Variants in ST18 observed in about 807,000 individuals in gnomAD.
The protein encoded by ST18 is suppression of tumorigenicity 18 protein.
ST18 carries 50 observed loss-of-function variants against 110.0 expected under a neutral mutation model. The observed-to-expected ratio is 0.45, with a 90% CI of 0.36 to 0.58. The LOEUF (loss-of-function observed/expected upper bound fraction) is 0.58. Among genes scored for constraint, ST18 ranks in the 20% least tolerant of loss-of-function variants. The pLI, the probability that ST18 is intolerant of heterozygous loss-of-function variation, is 0.00. For synonymous variants in ST18, 461 were observed against 452.4 expected, an observed-to-expected ratio of 1.02 and a Z score of -0.24; for missense variants, 1,306 against 1,280.1, an observed-to-expected ratio of 1.02 and a Z score of -0.31.
chr8:52,288,704 A>AAAT (rs2095507829), intron 2 of ST18, among the ~76,000 whole-genome samples: 1 of 152,050 alleles, frequency 6.6e-6, no homozygotes, highest in African/African-American at 2.4e-5. Context: ...AAAAAATAAA[A>AAAT]AAAAAAAAAT....
At chr8:52,235,553 A>G (rs925855797) in intron 2 of ST18, among the ~76,000 whole-genome samples, 2 of 152,240 alleles carry the variant, frequency 1.3e-5, no homozygotes, top group African/African-American at 2.4e-5. Context: ...TTTTAGGAGA[A>G]CAATGGACCA....
At chr8:52,357,055 C>T (rs1823065210) in intron 2 of ST18, among the ~76,000 whole-genome samples, 1 of 151,952 alleles carries the variant, frequency 6.6e-6, no homozygotes, top group African/African-American at 2.4e-5. Context: ...CACATGTACC[C>T]CTGAATTTAA....
At chr8:52,130,155 G>GAAAT (rs1208052941) in intron 22 of ST18, among the ~76,000 whole-genome samples, 1 of 149,414 alleles carries the variant, frequency 6.7e-6, no homozygotes, top group African/African-American at 2.5e-5. Flanking sequence ...AAGAAAGAAA[G>GAAAT]AAAGAAAGAA....
chr8:52,323,278 A>G (rs963655871), intron 2 of ST18, among the ~76,000 whole-genome samples: 7 of 152,194 alleles, frequency 4.6e-5, no homozygotes, highest in Non-Finnish European at 1.0e-4. Flanking sequence ...ATCTGTTTTT[A>G]TTTGAGGTTC....
chr8:52,178,614 C>CAAAAAAAAAAA (rs869184166), intron 9 of ST18, among the ~76,000 whole-genome samples: 4 of 2,386 alleles, frequency 1.7e-3, no homozygotes, highest in African/African-American at 4.9e-3. Context: ...GAGACTCCAT[C>CAAAAAAAAAAA]AAAAAAAAAA....
At chr8:52,231,201 C>T (rs991584566) in intron 2 of ST18, among the ~76,000 whole-genome samples, 1 of 152,144 alleles carries the variant, frequency 6.6e-6, no homozygotes, top group Non-Finnish European at 1.5e-5. Flanking sequence ...GCTCTTTTAT[C>T]TATATAATGG....
chr8:52,317,567 T>C (rs1456592111), intron 2 of ST18, among the ~76,000 whole-genome samples: 1 of 152,220 alleles, frequency 6.6e-6, no homozygotes, highest in East Asian at 1.9e-4. Context: ...GAAATTATTA[T>C]ATTGCTGGAC....
At chr8:52,210,664 T>C (rs952811275) in intron 8 of ST18, among the ~76,000 whole-genome samples, 4 of 151,602 alleles carry the variant, frequency 2.6e-5, no homozygotes, top group African/African-American at 9.7e-5. Flanking sequence ...TTTGAGACCA[T>C]GTCTCAAAAA....
At chr8:52,250,023 ATGCCCTCTTT>A (rs2094164881) in intron 2 of ST18, among the ~76,000 whole-genome samples, 1 of 151,760 alleles carries the variant, frequency 6.6e-6, no homozygotes, top group Non-Finnish European at 1.5e-5. Flanking sequence ...AGTTGCATTT[ATGCCCTCTTT>A]CAGTTACAAG....
chr8:52,216,364 T>C (rs913326301), intron 6 of ST18, among the ~76,000 whole-genome samples: 1 of 152,218 alleles, frequency 6.6e-6, no homozygotes, highest in Non-Finnish European at 1.5e-5. Context: ...TGTGTTCTGT[T>C]TGAGCTATTG....
intron 15 of ST18, among the ~76,000 whole-genome samples, chr8:52,155,923 G>A (rs373202580): frequency 1.3e-5 from 2 of 152,140 alleles, no homozygotes; most frequent in South Asian, 4.1e-4. Flanking sequence ...GCCCATGGGT[G>A]ACAGTAAGAT....
chr8:52,211,282 T>C (rs937371946), intron 8 of ST18, among the ~76,000 whole-genome samples: 1 of 152,042 alleles, frequency 6.6e-6, no homozygotes, highest in Non-Finnish European at 1.5e-5. Flanking sequence ...CAGCAATATC[T>C]GTGACGAAAA....
At position 52,113,954 on chromosome 8, in the gene ST18, G is replaced by GTTTTTTTTTTTTTTT. The variant is rs1158213340; in HGVS notation, c.3004-631_3004-617dup. 1.4e-3 allele frequency among the ~76,000 whole-genome samples: 63 copies of GTTTTTTTTTTTTTTT among 45,442 alleles called. 26 individuals carry two copies. Among genetic ancestry groups the GTTTTTTTTTTTTTTT allele is most frequent in the Non-Finnish European group, 2.0e-3 (52 of 26,492 alleles). The allele number at this position is 45,442 out of a possible 152,430, so 29.8% of individuals were successfully genotyped here. Reference sequence around the variant, plus strand: ...CAAAGTTTAAATTTATTCATACCGTGTTTTTTTTTTTTTTTTTTTTTTTTT... The same window carrying GTTTTTTTTTTTTTTT: ...CAAAGTTTAAATTTATTCATACCGTGTTTTTTTTTTTTTTTTTTTTTTTTTTTTTTTTTTTTTTTT... On this transcript the variant is annotated intron_variant, in intron 25 of 25. Transcript: ENST00000689386.
chr8:52,171,581 G>A lies in ST18; in HGVS notation c.1069+211C>T, dbSNP rs1205808538. 1.0e-5 allele frequency: 7 copies of A among 675,076 alleles called. No homozygotes were observed. In the Admixed American group the frequency reaches 1.4e-4, roughly 14 times the overall value. 41.8% of individuals were successfully genotyped at this position (675,076 alleles called of 1,614,324 possible). A position where few individuals can be genotyped will look rare whatever the true frequency, so the allele number is the denominator to read the frequency against. On this transcript the variant is annotated intron_variant, in intron 10 of 25. Transcript: ENST00000689386. ...AGATTCAATGAACCTTTTTTCATGT[G>A]TGAAAATAGTCCAAAATTAACACAG...
intron 2 of ST18, among the ~76,000 whole-genome samples, chr8:52,337,711 C>A (rs932869351): frequency 8.5e-5 from 13 of 152,186 alleles, no homozygotes; most frequent in African/African-American, 2.2e-4. Context: ...ATAGAGTTGG[C>A]GTTTCTCAGG....
At position 52,177,004 on chromosome 8, in the gene ST18, G is replaced by A. The variant is rs556999580; in HGVS notation, c.277+3118C>T. On this transcript the variant is annotated intron_variant, in intron 9 of 25. Coordinates refer to ENST00000689386, the MANE Select transcript of ST18 (RefSeq NM_001352837.2). Reference sequence around the variant, plus strand: ...TATTTGCTATTAGTTGAAAGATAATGTGTTAAAAGTGTCCTCCCAGCCCCT... The same window carrying A: ...TATTTGCTATTAGTTGAAAGATAATATGTTAAAAGTGTCCTCCCAGCCCCT... 7.3e-4 allele frequency among the ~76,000 whole-genome samples: 111 copies of A among 152,324 alleles called. 1 individual carries two copies. Among genetic ancestry groups the A allele is most frequent in the African/African-American group, 2.6e-3 (108 of 41,570 alleles).
At chr8:52,349,087 A>G (rs1339286621) in intron 2 of ST18, among the ~76,000 whole-genome samples, 1 of 152,024 alleles carries the variant, frequency 6.6e-6, no homozygotes, top group Non-Finnish European at 1.5e-5. Context: ...ACTGTACCGT[A>G]TTTGCCTTTC....
At chr8:52,384,391 G>A (rs945558546) in intron 2 of ST18, among the ~76,000 whole-genome samples, 6 of 151,922 alleles carry the variant, frequency 3.9e-5, no homozygotes, top group African/African-American at 1.5e-4. Context: ...ACTCTTCCCC[G>A]CTTTCCCTCC....
At chr8:52,142,889 A>G in intron 17 of ST18, 41 bp downstream of exon 17, 1 of 1,393,516 alleles carries the variant, frequency 7.2e-7, no homozygotes. Context: ...TTGAATCTTC[A>G]TTCCAGAATC....
Sources: allele counts gnomAD v4.1 joint callset (sites outside exome capture counted in the v4.1 genomes callset), GRCh38; gene constraint gnomAD v4.1.1; transcripts MANE v1.5; gene names NCBI Gene and HGNC (gene_info 2026-07-23, HGNC 2026-07-21).